ITFG1: variants seen among roughly 807,000 people sequenced by gnomAD.
ITFG1 encodes integrin alpha FG-GAP repeat containing 1.
Under a neutral mutation model 81.8 loss-of-function variants are expected in ITFG1, and 34 were observed. The observed-to-expected ratio is 0.42, with a 90% CI of 0.32 to 0.55. ITFG1 has a LOEUF of 0.55. Among genes scored for constraint, ITFG1 ranks in the 20% least tolerant of loss-of-function variants. The probability of loss-of-function intolerance (pLI) is 0.17; values close to 1 mark genes in which losing one functional copy is unlikely to be tolerated. For missense variants in ITFG1, 672 were observed against 755.4 expected (o/e 0.89, Z 1.29); for synonymous variants, 285 against 270.6 (o/e 1.05, Z -0.52).
At chr16:47,366,752 T>C (rs1283538908) in intron 7 of ITFG1, among the ~76,000 whole-genome samples, 1 of 152,202 alleles carries the variant, frequency 6.6e-6, no homozygotes, top group Non-Finnish European at 1.5e-5. Context: ...ATACAGGATA[T>C]CTGTATACTT....
chr16:47,441,836 C>T (rs998830939), intron 5 of ITFG1, among the ~76,000 whole-genome samples: 12 of 152,050 alleles, frequency 7.9e-5, no homozygotes, highest in African/African-American at 9.7e-5. Flanking sequence ...CCAGGGCAAT[C>T]AGGCAGGAGA....
intron 8 of ITFG1, among the ~76,000 whole-genome samples, chr16:47,344,831 T>C (rs1967829951): frequency 6.6e-6 from 1 of 152,224 alleles, no homozygotes; most frequent in South Asian, 2.1e-4. Context: ...GTTGTCTTTC[T>C]GTGCCTGGCT....
chr16:47,180,477 T>C (rs1965094034), intron 14 of ITFG1, among the ~76,000 whole-genome samples: 2 of 146,804 alleles, frequency 1.4e-5, no homozygotes, highest in South Asian at 5.0e-4. Flanking sequence ...CACTGCAATC[T>C]CCCTGCCTGA....
chr16:47,346,452 C>G (rs1029822331), intron 8 of ITFG1, among the ~76,000 whole-genome samples: 62 of 152,222 alleles, frequency 4.1e-4, no homozygotes, highest in African/African-American at 1.4e-3. Flanking sequence ...CAGCAATAAA[C>G]ACATATCTCA....
At chr16:47,181,108 G>A (rs1232993898) in intron 14 of ITFG1, among the ~76,000 whole-genome samples, 8 of 150,916 alleles carry the variant, frequency 5.3e-5, no homozygotes, top group Middle Eastern at 3.5e-3. Context: ...GTCTCTGCCC[G>A]GCCGCCCATC....
intron 10 of ITFG1, among the ~76,000 whole-genome samples, chr16:47,289,056 C>T (rs560781839): frequency 1.1e-4 from 17 of 152,226 alleles, no homozygotes; most frequent in African/African-American, 3.1e-4. Flanking sequence ...AGAGTTTTTA[C>T]GATGAAGGAT....
intron 7 of ITFG1, among the ~76,000 whole-genome samples, chr16:47,374,702 T>A (rs560888804): frequency 3.3e-4 from 51 of 152,294 alleles, no homozygotes; most frequent in African/African-American, 8.2e-4. Flanking sequence ...TGCATTTTTT[T>A]AAAAAGTAGT....
chr16:47,169,132 T>C (rs1444147113), intron 14 of ITFG1, among the ~76,000 whole-genome samples: 3 of 152,212 alleles, frequency 2.0e-5, no homozygotes, highest in Non-Finnish European at 4.4e-5. Context: ...TGTAGCTTTG[T>C]AGTAACTTTT....
chr16:47,221,445 T>C (rs1348988778), intron 13 of ITFG1, among the ~76,000 whole-genome samples: 6 of 152,214 alleles, frequency 3.9e-5, no homozygotes, highest in Non-Finnish European at 7.3e-5. Flanking sequence ...CACTTGATCA[T>C]GGTGGATAAG....
At chr16:47,337,764 T>C (rs894595083) in intron 8 of ITFG1, among the ~76,000 whole-genome samples, 3 of 152,094 alleles carry the variant, frequency 2.0e-5, no homozygotes, top group African/African-American at 7.2e-5. Context: ...GGGAGAGGTA[T>C]GGTGGCGTTC....
chr16:47,217,189 A>G (rs1418449248), intron 14 of ITFG1, among the ~76,000 whole-genome samples: 1 of 152,220 alleles, frequency 6.6e-6, no homozygotes, highest in Non-Finnish European at 1.5e-5. Flanking sequence ...ATGCACTGCT[A>G]TAACAATTAA....
chr16:47,442,214 A>T (rs576850563), intron 5 of ITFG1, among the ~76,000 whole-genome samples: 1 of 152,336 alleles, frequency 6.6e-6, no homozygotes, highest in African/African-American at 2.4e-5. Flanking sequence ...TTCCATGCGC[A>T]TGGGTAGGAA....
chr16:47,384,899 G>C (rs942093823), intron 6 of ITFG1, among the ~76,000 whole-genome samples: 3 of 152,216 alleles, frequency 2.0e-5, no homozygotes. Context: ...CCAATGTGGT[G>C]AGGTTACTGT....
intron 14 of ITFG1, among the ~76,000 whole-genome samples, chr16:47,177,886 A>C (rs902724016): frequency 6.6e-6 from 1 of 152,250 alleles, no homozygotes; most frequent in African/African-American, 2.4e-5. Flanking sequence ...TATATAGAGT[A>C]CAGTAATTGC....
intron 12 of ITFG1, 37 bp from the exon 13 acceptor site, chr16:47,238,045 A>C: frequency 8.0e-7 from 1 of 1,244,820 alleles, no homozygotes; most frequent in Non-Finnish European, 1.1e-6. Flanking sequence ...TACTATTATA[A>C]GTTTATATTT....
At chr16:47,414,502 G>C (rs1316727663) in intron 6 of ITFG1, among the ~76,000 whole-genome samples, 1 of 151,758 alleles carries the variant, frequency 6.6e-6, no homozygotes, top group Non-Finnish European at 1.5e-5. Flanking sequence ...CTCAAGCCTG[G>C]GTGACTGAGT....
chr16:47,183,419 G>T (rs890166746), intron 14 of ITFG1, among the ~76,000 whole-genome samples: 1 of 152,156 alleles, frequency 6.6e-6, no homozygotes, highest in Non-Finnish European at 1.5e-5. Flanking sequence ...CTCCCAGCAC[G>T]CAGCTGGAGA....
intron 13 of ITFG1, among the ~76,000 whole-genome samples, chr16:47,223,982 G>A (rs1390734217): frequency 1.3e-5 from 2 of 149,480 alleles, no homozygotes; most frequent in South Asian, 2.1e-4. Context: ...ACCAAACACC[G>A]CATAGTCTCA....
intron 7 of ITFG1, among the ~76,000 whole-genome samples, chr16:47,374,629 T>TA (rs1469976145): frequency 6.6e-6 from 1 of 152,216 alleles, no homozygotes; most frequent in Non-Finnish European, 1.5e-5. Flanking sequence ...AGTGGGGACT[T>TA]AATGTACGGC....
Sources: allele counts gnomAD v4.1 joint callset (sites outside exome capture counted in the v4.1 genomes callset), GRCh38; gene constraint gnomAD v4.1.1; transcripts MANE v1.5; gene names NCBI Gene and HGNC (gene_info 2026-07-23, HGNC 2026-07-21).